OTOG: variants seen among roughly 807,000 people sequenced by gnomAD.
OTOG encodes otogelin.
A neutral mutation model predicts 313.8 loss-of-function variants in OTOG; 296 were observed. The observed-to-expected ratio is 0.94, with a 90% CI of 0.86 to 1.04. The LOEUF is 1.04. Ranked by LOEUF, OTOG falls within the 50% of genes least tolerant of loss-of-function variation. The pLI, the probability that OTOG is intolerant of heterozygous loss-of-function variation, is 0.00. For synonymous variants in OTOG, 1,533 were observed against 1,554.9 expected, an observed-to-expected ratio of 0.99 and a Z score of 0.33; for missense variants, 3,948 against 3,840.1, an observed-to-expected ratio of 1.03 and a Z score of -0.74.
At position 17,590,272 on chromosome 11, in the gene OTOG, C is replaced by G. The variant is rs140704607; in HGVS notation, c.2868-1178C>G. On this transcript the variant is annotated intron_variant, in intron 24 of 55. Transcript: ENST00000399397. ...CAGAACAGCACATCTGATCTTCCCC[C>G]TCAAACTTGCTTCTCCCTCAGCCTT... Among the ~76,000 whole-genome samples, 363 of 152,326 alleles carry G rather than the reference C, an allele frequency of 2.4e-3. 1 individual carries two copies. Among genetic ancestry groups the G allele is most frequent in the African/African-American group, 8.5e-3 (353 of 41,568 alleles).
intron 3 of OTOG, among the ~76,000 whole-genome samples, chr11:17,548,955 G>A (rs1592057531): frequency 6.6e-6 from 1 of 152,160 alleles, no homozygotes; most frequent in Admixed American, 6.5e-5. Context: ...CTGGCCTCAA[G>A]TGATCCTTCT....
chr11:17,553,247 C>A, intron 5 of OTOG, 36 bp downstream of exon 5: 2 of 1,546,006 alleles, frequency 1.3e-6, no homozygotes, highest in Non-Finnish European at 1.7e-6. Flanking sequence ...CAGGAAGGGA[C>A]CTGGGTGCAG....
chr11:17,595,641 G>A (rs1853078232), intron 28 of OTOG, among the ~76,000 whole-genome samples: 1 of 152,160 alleles, frequency 6.6e-6, no homozygotes. Context: ...GCAACTGTAG[G>A]GCTGGGAGCT....
At chr11:17,568,607 C>T (rs1852339193) in intron 15 of OTOG, among the ~76,000 whole-genome samples, 1 of 152,118 alleles carries the variant, frequency 6.6e-6, no homozygotes, top group Non-Finnish European at 1.5e-5. Flanking sequence ...ATAGTTGGTG[C>T]TCAGTTAAGT....
intron 39 of OTOG, among the ~76,000 whole-genome samples, chr11:17,627,681 G>T (rs934273516): frequency 3.3e-5 from 5 of 152,058 alleles, no homozygotes; most frequent in East Asian, 1.9e-4. Context: ...CAAATGTTTG[G>T]TAGAAGTCAG....
rs1473453483 is a variant in OTOG at position 17,640,772 on chromosome 11, T to C, written c.7963T>C (p.Phe2655Leu). The change falls in exon 50 of 56, where the codon TTC becomes CTC. Residue 2655 changes from phenylalanine (F) to leucine (L), a missense_variant. By Grantham distance (22) the Phe-to-Leu change is conservative. Coordinates refer to ENST00000399397, the MANE Select transcript of OTOG (RefSeq NM_001292063.2). ...GGAGAAATCCCAGCTGGATGAGGAG[T>C]TCATGCACAGCGTGGAGAATGTGTG... ...LWEKSQLDEE[F>L]MHSVENVCGC... 1.3e-6 allele frequency: 2 copies of C among 1,549,978 alleles called. No homozygotes were observed. The highest frequency in any genetic ancestry group is 2.4e-5 in the East Asian group (1 of 40,896).
intron 54 of OTOG, among the ~76,000 whole-genome samples, chr11:17,645,308 G>T (rs1301554713): frequency 6.6e-6 from 1 of 152,210 alleles, no homozygotes; most frequent in Non-Finnish European, 1.5e-5. Flanking sequence ...CCCTAGCACA[G>T]AGTCCTCAAG....
At chr11:17,629,343 G>A (rs760197161) in intron 40 of OTOG, 27 bp downstream of exon 40, 75 of 1,534,162 alleles carry the variant, frequency 4.9e-5, no homozygotes, top group Admixed American at 6.0e-5. Flanking sequence ...CTTGCGGGGA[G>A]GGGATGCTTC....
intron 32 of OTOG, among the ~76,000 whole-genome samples, chr11:17,602,598 G>T (rs1436656664): frequency 6.6e-6 from 1 of 152,166 alleles, no homozygotes; most frequent in Non-Finnish European, 1.5e-5. Context: ...CAAGGCCCAG[G>T]TGTGCCTCTG....
chr11:17,645,584 T>C lies in OTOG; in HGVS notation c.8482T>C (p.Cys2828Arg), dbSNP rs1216898506. Residue 2828 changes from cysteine to arginine, a missense_variant, in exon 55 of 56, where the codon TGC (cysteine) becomes CGC (arginine). Coordinates refer to ENST00000399397, the MANE Select transcript of OTOG (RefSeq NM_001292063.2). The part of the protein sequence containing the change: ...CRTCKEDGRS[C>R]KKVTIRMTIR... Reference sequence around the variant, plus strand: ...CCCAGGTAAGGAGGATGGGCGCTCCTGCAAGAAGGTGACCATCCGCATGAC... The same window carrying C: ...CCCAGGTAAGGAGGATGGGCGCTCCCGCAAGAAGGTGACCATCCGCATGAC... The C allele has an allele frequency of 6.4e-7, 1 of 1,550,642 alleles. No individual in the cohort carries two copies. Among genetic ancestry groups the C allele is most frequent in the South Asian group, 1.2e-5 (1 of 84,062 alleles).
chr11:17,611,224 C>G lies in OTOG; in HGVS notation c.5924C>G (p.Pro1975Arg). ...ALSRVSARTA[P>R]QDSMLVLLPQ... ...AGCCGTGTCTCAGCCAGGACGGCCCCCCAAGACAGCATGCTGGTTCTGTTG... is the reference window on the plus strand; with the variant it reads ...AGCCGTGTCTCAGCCAGGACGGCCCGCCAAGACAGCATGCTGGTTCTGTTG... The change falls in exon 36 of 56, where the codon CCC becomes CGC. Residue 1975 changes from proline to arginine, a missense_variant. Physicochemically the swap from Pro to Arg is moderately radical, Grantham distance 103. Transcript: ENST00000399397. 6.4e-7 allele frequency: 1 copy of G among 1,550,582 alleles called. No homozygotes were observed. The highest frequency in any genetic ancestry group is 2.4e-5 in the East Asian group (1 of 40,900).
intron 53 of OTOG, among the ~76,000 whole-genome samples, chr11:17,643,147 T>C (rs1304835298): frequency 6.6e-6 from 1 of 152,152 alleles, no homozygotes; most frequent in Admixed American, 6.5e-5. Context: ...TCCCCTCCCT[T>C]ATCCTCTGTG....
At chr11:17,605,105 G>A (rs1435266079) in intron 32 of OTOG, among the ~76,000 whole-genome samples, 1 of 152,206 alleles carries the variant, frequency 6.6e-6, no homozygotes. Context: ...TCACAGCCAG[G>A]GTGGTGAGCT....
chr11:17,555,823 C>T lies in OTOG; in HGVS notation c.585C>T (p.Ser195=), dbSNP rs1415181442. 3 of 1,550,832 alleles carry T rather than the reference C, an allele frequency of 1.9e-6. No individual in the cohort carries two copies. Among genetic ancestry groups the T allele is most frequent in the East Asian group, 4.9e-5 (2 of 40,922 alleles). The change falls in exon 7 of 56, where the codon TCC becomes TCT. Residue 195 remains serine, a synonymous_variant. Transcript: ENST00000399397. The part of the protein sequence containing the change: ...PQCGSSPYTC[S]RAVSLFFVGE... ...GTGGCTCTTCACCCTACACCTGCTC[C>T]AGGGCTGTCAGCCTCTTCTTTGTGG...
At chr11:17,644,763 T>C (rs542611019) in intron 54 of OTOG, among the ~76,000 whole-genome samples, 2 of 105,280 alleles carry the variant, frequency 1.9e-5, no homozygotes, top group South Asian at 2.9e-4. Flanking sequence ...ATAAAGCTTA[T>C]GATTCACATC....
rs184461956 is a variant in OTOG, at chr11:17,632,211, C to G, written c.7057C>G (p.Arg2353Gly). The stretch of plus-strand genomic sequence containing the variant: ...ATTTCATGTGTGCATCGAGTGGCGG[C>G]GCTCTGACTACTGCCGTGAGTTTGC... ...HKFHVCIEWR[R>G]SDYCPFLCSS... The change falls in exon 42 of 56, where the codon CGC becomes GGC. Residue 2353 changes from arginine to glycine, a missense_variant. Arg to Gly is a moderately radical substitution (Grantham distance 125). Coordinates refer to ENST00000399397, the MANE Select transcript of OTOG (RefSeq NM_001292063.2). 1 of 1,550,606 alleles carries G rather than the reference C, an allele frequency of 6.4e-7. No individual in the cohort carries two copies. The highest frequency in any genetic ancestry group is 1.4e-5 in the African/African-American group (1 of 73,162).
intron 23 of OTOG, 133 bp downstream of exon 23, chr11:17,578,659 C>G: frequency 8.6e-7 from 1 of 1,161,542 alleles, no homozygotes; most frequent in Non-Finnish European, 1.2e-6. Flanking sequence ...CCAGCCACAG[C>G]TGTAATGGCC....
intron 50 of OTOG, 31 bp downstream of exon 50, chr11:17,640,851 T>C (rs757334062): frequency 6.5e-7 from 1 of 1,550,086 alleles, no homozygotes; most frequent in East Asian, 2.4e-5. Context: ...GGCAGAGCCA[T>C]GCAGGAGGGG....
Position 17,629,324 on chromosome 11 carries a change from G to A in OTOG, c.6712+8G>A. On this transcript the variant is annotated splice_region_variant and intron_variant, in intron 40 of 55. Coordinates refer to ENST00000399397, the MANE Select transcript of OTOG (RefSeq NM_001292063.2). ...AGGGCCATGGCCTGTGCGGTGAGGT[G>A]GAACCCAGCTTGCGGGGAGGGGATG... 1 of 1,542,712 alleles carries A rather than the reference G, an allele frequency of 6.5e-7. No homozygotes were observed. Among genetic ancestry groups the A allele is most frequent in the African/African-American group, 1.4e-5 (1 of 72,938 alleles).
Sources: gnomAD v4.1 joint callset for allele counts (sites outside exome capture counted in the v4.1 genomes callset) on GRCh38, gnomAD v4.1.1 for gene constraint, MANE v1.5 for transcripts, NCBI Gene and HGNC (gene_info 2026-07-23, HGNC 2026-07-21) for gene names.